Variants in CCDC33 observed in about 807,000 individuals in gnomAD.
CCDC33 encodes coiled-coil domain containing 33.
A neutral mutation model predicts 91.9 loss-of-function variants in CCDC33; 94 were observed. The observed-to-expected ratio is 1.02, with a 90% CI of 0.87 to 1.21. CCDC33 has a LOEUF of 1.21. CCDC33 is among the 50% of genes most tolerant of loss of function. The pLI, the probability that CCDC33 is intolerant of heterozygous loss-of-function variation, is 0.00. For missense variants in CCDC33, 940 were observed against 935.5 expected (o/e 1.00, Z -0.06); for synonymous variants, 396 against 374.5 (o/e 1.06, Z -0.66).
intron 1 of CCDC33, among the ~76,000 whole-genome samples, chr15:74,204,665 G>A (rs945195494): frequency 6.6e-6 from 1 of 152,228 alleles, no homozygotes; most frequent in East Asian, 1.9e-4. Context: ...AGGTGTGGTG[G>A]CTTACACTTG....
rs1397032508 is a variant in CCDC33 at position 74,271,716 on chromosome 15, G to A, written c.560G>A (p.Gly187Glu). 2.5e-6 allele frequency: 4 copies of A among 1,613,366 alleles called. No homozygotes were observed. In the South Asian group the frequency reaches 4.4e-5, roughly 18 times the overall value. Reference protein sequence around the residue: ...NHMALEIFLRGVNEPLANNPN... With the variant: ...NHMALEIFLREVNEPLANNPN... ...TCTCCTCTCCAGATCTTTCTCCGGG[G>A]AGTCAACGAGCCCCTGGCCAACAAC... Residue 187 changes from glycine to glutamate, a missense_variant, in exon 6 of 19, where the codon GGA becomes GAA. By Grantham distance (98) the Gly-to-Glu change is moderately conservative. Coordinates refer to ENST00000398814, the MANE Select transcript of CCDC33 (RefSeq NM_025055.5).
chr15:74,285,738 T>C (rs1442169359), intron 10 of CCDC33, among the ~76,000 whole-genome samples: 1 of 152,134 alleles, frequency 6.6e-6, no homozygotes, highest in Non-Finnish European at 1.5e-5. Flanking sequence ...GGGTTCGTTT[T>C]TCACCCTCTG....
At chr15:74,318,665 C>T (rs1229635432) in intron 11 of CCDC33, 2 of 764,718 alleles carry the variant, frequency 2.6e-6, no homozygotes, top group Non-Finnish European at 4.9e-6. Context: ...CTCTGTAAGT[C>T]GCCCCCTCGC....
chr15:74,253,330 G>A (rs1203533336), intron 2 of CCDC33, among the ~76,000 whole-genome samples: 1 of 152,158 alleles, frequency 6.6e-6, no homozygotes, highest in Non-Finnish European at 1.5e-5. Context: ...TCCCTAGCCT[G>A]GCCCCCGTGG....
At chr15:74,280,289 A>G (rs946710571) in intron 8 of CCDC33, among the ~76,000 whole-genome samples, 197 bp downstream of exon 8, 2 of 152,130 alleles carry the variant, frequency 1.3e-5, no homozygotes, top group Non-Finnish European at 2.9e-5. Context: ...CCTGTCCCAT[A>G]CTAGGTCTTG....
At chr15:74,309,060 C>T (rs1222077155) in intron 11 of CCDC33, among the ~76,000 whole-genome samples, 1 of 152,040 alleles carries the variant, frequency 6.6e-6, no homozygotes, top group East Asian at 1.9e-4. Flanking sequence ...CCAGATGGGG[C>T]CCTCCTGCCT....
intron 2 of CCDC33, among the ~76,000 whole-genome samples, chr15:74,250,224 C>T (rs369964007): frequency 6.6e-5 from 10 of 152,222 alleles, no homozygotes; most frequent in African/African-American, 2.2e-4. Flanking sequence ...CTGAAGATCC[C>T]TTCAAAGGCA....
Position 74,240,509 on chromosome 15 carries a change from A to G in CCDC33, c.22-3476A>G, listed in dbSNP as rs1014030365. On this transcript the variant is annotated intron_variant, in intron 1 of 18. Transcript: ENST00000398814. ...AACCACTGGAAAGGCTGAATCACAA[A>G]CTATTCCAGACATTCCCATTGGCCA... Among the ~76,000 whole-genome samples the G allele has an allele frequency of 2.6e-5, 4 of 152,126 alleles. No individual in the cohort carries two copies. The South Asian group carries it at 6.2e-4, about 24-fold the overall frequency.
chr15:74,322,405 G>C (rs1273991793), intron 11 of CCDC33, among the ~76,000 whole-genome samples: 1 of 152,144 alleles, frequency 6.6e-6, no homozygotes, highest in Non-Finnish European at 1.5e-5. Flanking sequence ...AGCTAGCAGG[G>C]AAGAATTGGG....
At chr15:74,307,832 A>G (rs1277633392) in intron 11 of CCDC33, among the ~76,000 whole-genome samples, 3 of 152,064 alleles carry the variant, frequency 2.0e-5, no homozygotes, top group Non-Finnish European at 4.4e-5. Context: ...AACCTCAAAG[A>G]ATTCTCAGCT....
chr15:74,292,466 A>G (rs1210280681), intron 10 of CCDC33, among the ~76,000 whole-genome samples: 1 of 152,180 alleles, frequency 6.6e-6, no homozygotes, highest in Non-Finnish European at 1.5e-5. Flanking sequence ...AAGGAGAACT[A>G]TTAGGGAGAA....
upstream of CCDC33, among the ~76,000 whole-genome samples, chr15:74,215,878 A>C (rs201947660): frequency 0.18 from 26,027 of 146,452 alleles, 2,783 homozygotes; most frequent in Middle Eastern, 0.29. Context: ...TCTCACCAAA[A>C]AAAAAAAAAA....
intron 5 of CCDC33, 36 bp downstream of exon 5, chr15:74,268,494 G>C (rs765192354): frequency 7.6e-6 from 11 of 1,449,850 alleles, no homozygotes; most frequent in Non-Finnish European, 1.1e-5. Context: ...TGGTGGTGGG[G>C]GTGGGAAAGG....
intron 7 of CCDC33, among the ~76,000 whole-genome samples, chr15:74,278,254 G>A (rs1283630026): frequency 9.2e-5 from 14 of 152,238 alleles, no homozygotes; most frequent in Admixed American, 7.8e-4. Context: ...TAGTGTGACC[G>A]TCATCAGCAC....
At position 74,236,723 on chromosome 15, in the gene CCDC33, G is replaced by A. The variant is rs1335178716; in HGVS notation, c.4G>A (p.Gly2Arg). 6.2e-7 allele frequency: 1 copy of A among 1,613,778 alleles called. No individual in the cohort carries two copies. Among genetic ancestry groups the A allele is most frequent in the African/African-American group, 1.3e-5 (1 of 74,940 alleles). MGLKNKKNTEDP... is the reference protein window; with the variant it reads MRLKNKKNTEDP... ...AGACACTCCTGGCCTCAAGAGGATG[G>A]GACTGAAAAACAAAAAGGTAAGGCC... The change falls in exon 1 of 19, where the codon GGA becomes AGA. Residue 2 changes from glycine (G) to arginine (R), a missense_variant. Gly to Arg is a moderately radical substitution (Grantham distance 125). Coordinates refer to ENST00000398814, the MANE Select transcript of CCDC33 (RefSeq NM_025055.5).
intron 1 of CCDC33, among the ~76,000 whole-genome samples, chr15:74,240,616 T>C (rs1197036525): frequency 6.6e-6 from 1 of 152,062 alleles, no homozygotes; most frequent in Admixed American, 6.6e-5. Flanking sequence ...TTTTTTGTTG[T>C]TGTTGTTGGA....
At chr15:74,330,380 C>G in intron 12 of CCDC33, 26 bp downstream of exon 12, 1 of 1,539,346 alleles carries the variant, frequency 6.5e-7, no homozygotes, top group Non-Finnish European at 8.8e-7. Flanking sequence ...CCACCAAGGG[C>G]ACCCGGGCTT....
At chr15:74,225,115 GGC>G (rs1266152427) in intron 2 of CCDC33, among the ~76,000 whole-genome samples, 1 of 117,112 alleles carries the variant, frequency 8.5e-6, no homozygotes, top group Non-Finnish European at 1.8e-5. Context: ...ACCTCCTGGA[GGC>G]GTGTGTGTGT....
intron 11 of CCDC33, among the ~76,000 whole-genome samples, chr15:74,309,834 TAA>T (rs2059958667): frequency 1.3e-5 from 2 of 152,174 alleles, no homozygotes; most frequent in Non-Finnish European, 2.9e-5. Context: ...GCCTGGACTT[TAA>T]GTATGAGGGG....
Sources: allele counts gnomAD v4.1 joint callset (sites outside exome capture counted in the v4.1 genomes callset), GRCh38; gene constraint gnomAD v4.1.1; transcripts MANE v1.5; gene names NCBI Gene and HGNC (gene_info 2026-07-23, HGNC 2026-07-21).